The following CALN1 variants were observed in gnomAD, a reference collection of about 807,000 sequenced individuals.
The protein encoded by CALN1 is calcium-binding protein 8.
A neutral mutation model predicts 30.6 loss-of-function variants in CALN1; 17 were observed. The observed-to-expected ratio is 0.56, with a 90% confidence interval of 0.38 to 0.83. The LOEUF (loss-of-function observed/expected upper bound fraction) is 0.83, where lower values mean the gene tolerates loss of function less well. Among genes scored for constraint, CALN1 ranks in the 40% least tolerant of loss-of-function variants. CALN1 has a pLI of 0.00. For synonymous variants in CALN1, 156 were observed against 131.4 expected (o/e 1.19, Z -1.28); for missense variants, 291 against 354.9 (o/e 0.82, Z 1.45).
intron 5 of CALN1, among the ~76,000 whole-genome samples, chr7:72,016,051 C>G (rs1301812483): frequency 6.6e-6 from 1 of 152,016 alleles, no homozygotes; most frequent in African/African-American, 2.4e-5. Flanking sequence ...GAGTTCCAGA[C>G]CAGCCTGGCC....
At chr7:72,379,617 T>C (rs1419447515) in intron 2 of CALN1, among the ~76,000 whole-genome samples, 1 of 152,256 alleles carries the variant, frequency 6.6e-6, no homozygotes, top group Non-Finnish European at 1.5e-5. Flanking sequence ...AAATTTCACC[T>C]TGAAAACTCT....
In CALN1 at chr7:72,191,720, C is replaced by T. The variant is rs1033100285; in HGVS notation, c.245-85426G>A. Among the ~76,000 whole-genome samples the T allele has an allele frequency of 2.0e-5, 3 of 152,106 alleles. No individual in the cohort carries two copies. The South Asian group carries it at 6.2e-4, about 32-fold the overall frequency. ...CCAGGGCTGCCATCACAAATTCCCA[C>T]AGACCTAGTGGCTTAAAACCACACA... On this transcript the variant is annotated intron_variant, in intron 3 of 6. Transcript: ENST00000395275.
At chr7:72,099,320 T>G (rs1315758909) in intron 4 of CALN1, among the ~76,000 whole-genome samples, 1 of 150,554 alleles carries the variant, frequency 6.6e-6, no homozygotes, top group Non-Finnish European at 1.5e-5. Context: ...TAGTTTGGTG[T>G]GATTACTTTT....
At chr7:72,054,482 T>TATATACATATATATAC (rs1563015674) in intron 4 of CALN1, among the ~76,000 whole-genome samples, 3 of 40,896 alleles carry the variant, frequency 7.3e-5, no homozygotes, top group Admixed American at 3.5e-4. Context: ...TATACATACA[T>TATATACATATATATAC]ATATATATAC....
At chr7:72,001,479 T>C (rs749282013) in intron 5 of CALN1, among the ~76,000 whole-genome samples, 15 of 152,194 alleles carry the variant, frequency 9.9e-5, no homozygotes, top group Non-Finnish European at 1.3e-4. Flanking sequence ...TCCTAGGTGC[T>C]GGCAGGCCAC....
intron 5 of CALN1, among the ~76,000 whole-genome samples, chr7:71,937,103 C>T (rs1393034627): frequency 5.9e-5 from 9 of 152,096 alleles, no homozygotes; most frequent in Admixed American, 5.9e-4. Context: ...AAATATCTAT[C>T]TTTCTAATCT....
chr7:71,882,642 A>G (rs1792641984), intron 5 of CALN1, among the ~76,000 whole-genome samples: 1 of 152,052 alleles, frequency 6.6e-6, no homozygotes, highest in Non-Finnish European at 1.5e-5. Context: ...CCAATTTAGA[A>G]TAGTCTTCCC....
chr7:72,095,179 T>C (rs888851387), intron 4 of CALN1, among the ~76,000 whole-genome samples: 4 of 152,182 alleles, frequency 2.6e-5, no homozygotes, highest in Non-Finnish European at 5.9e-5. Context: ...ACTTCATTTT[T>C]CTCATCCACA....
intron 5 of CALN1, among the ~76,000 whole-genome samples, chr7:71,950,747 G>GC (rs1384872762): frequency 1.5e-4 from 23 of 152,140 alleles, no homozygotes; most frequent in Non-Finnish European, 2.9e-5. Flanking sequence ...TACCTGATCA[G>GC]CCCACTGCAC....
chr7:72,228,743 T>A (rs774156568), intron 3 of CALN1, among the ~76,000 whole-genome samples: 7 of 13,564 alleles, frequency 5.2e-4, no homozygotes, highest in Admixed American at 2.3e-3. Flanking sequence ...ATTTATATAT[T>A]TATTTATTTA....
At chr7:72,353,119 TAAAC>T (rs1194153372) in intron 2 of CALN1, among the ~76,000 whole-genome samples, 2 of 152,316 alleles carry the variant, frequency 1.3e-5, no homozygotes, top group East Asian at 1.9e-4. Flanking sequence ...CCTCAAAACA[TAAAC>T]AAATTCCTCT....
chr7:72,455,931 A>T, the CALN1 span, among the ~76,000 whole-genome samples: 1 of 152,212 alleles, frequency 6.6e-6, no homozygotes, highest in Admixed American at 6.5e-5. Context: ...TCACGCCTGT[A>T]ATCCCAGCAC....
intron 4 of CALN1, among the ~76,000 whole-genome samples, chr7:72,098,814 C>T (rs1489680479): frequency 6.9e-6 from 1 of 144,458 alleles, no homozygotes; most frequent in Non-Finnish European, 1.5e-5. Context: ...CCAGTCCCAC[C>T]ACTGAGGGCA....
chr7:72,294,659 G>C (rs907837484), intron 2 of CALN1, among the ~76,000 whole-genome samples: 2 of 151,870 alleles, frequency 1.3e-5, no homozygotes, highest in African/African-American at 4.8e-5. Context: ...TGAGGTGGGA[G>C]GATCGTTTGA....
intron 3 of CALN1, among the ~76,000 whole-genome samples, chr7:72,169,948 C>T (rs1563117490): frequency 6.6e-6 from 1 of 152,030 alleles, no homozygotes; most frequent in Admixed American, 6.5e-5. Context: ...CTGCCTTGGC[C>T]TCCCGAAGTG....
chr7:72,104,268 A>G (rs765780981), intron 4 of CALN1: 1 of 152,282 alleles, frequency 6.6e-6, no homozygotes, highest in Non-Finnish European at 1.5e-5. Context: ...ACTGCTACCC[A>G]TTGACCAGTC....
chr7:72,413,863 C>CAT (rs113951957), upstream of CALN1, among the ~76,000 whole-genome samples: 30,536 of 151,470 alleles, frequency 0.2, 5,134 homozygotes, highest in African/African-American at 0.45. Context: ...CACACACACT[C>CAT]GTATACACAT....
chr7:71,787,931 G>C, intron 6 of CALN1, 29 bp from the exon 7 acceptor site: 1 of 1,613,752 alleles, frequency 6.2e-7, no homozygotes, highest in Non-Finnish European at 8.5e-7. Context: ...GGTGTGGGAA[G>C]AAGGAAGAGG....
intron 5 of CALN1, among the ~76,000 whole-genome samples, chr7:71,961,497 C>G (rs1797245317): frequency 6.6e-6 from 1 of 152,214 alleles, no homozygotes; most frequent in Non-Finnish European, 1.5e-5. Context: ...TGCCATAAAA[C>G]CCGTAATAGA....
Sources: allele counts gnomAD v4.1 joint callset (sites outside exome capture counted in the v4.1 genomes callset), GRCh38; gene constraint gnomAD v4.1.1; transcripts MANE v1.5; gene names NCBI Gene and HGNC (gene_info 2026-07-23, HGNC 2026-07-21).